MYRIP: variants seen among roughly 807,000 people sequenced by gnomAD.
MYRIP encodes myosin VIIA and Rab interacting protein, also known as rab effector MyRIP.
Under a neutral mutation model 98.0 loss-of-function variants are expected in MYRIP, and 49 were observed. The ratio of observed to expected loss-of-function variants is 0.50; its 90% CI spans 0.40 to 0.63. The LOEUF (loss-of-function observed/expected upper bound fraction) is 0.63, where lower values mean the gene tolerates loss of function less well. MYRIP is among the 30% of genes least tolerant of loss of function. The pLI, the probability that MYRIP is intolerant of heterozygous loss-of-function variation, is 0.00. For synonymous variants in MYRIP, 404 were observed against 409.5 expected, an observed-to-expected ratio of 0.99 and a Z score of 0.16; for missense variants, 1,004 against 1,058.2, an observed-to-expected ratio of 0.95 and a Z score of 0.71.
intron 1 of MYRIP, among the ~76,000 whole-genome samples, chr3:39,885,892 A>G (rs1028429643): frequency 6.6e-6 from 1 of 151,812 alleles, no homozygotes; most frequent in African/African-American, 2.4e-5. Flanking sequence ...CTAGTTATAC[A>G]TTCTTCTAAA....
intron 2 of MYRIP, among the ~76,000 whole-genome samples, chr3:39,916,305 A>G (rs1944158704): frequency 6.6e-6 from 1 of 152,040 alleles, no homozygotes; most frequent in Non-Finnish European, 1.5e-5. Context: ...CTAAAAGATA[A>G]GACAGCTCAA....
At chr3:40,017,174 C>T (rs1003396509) in intron 2 of MYRIP, among the ~76,000 whole-genome samples, 5 of 152,212 alleles carry the variant, frequency 3.3e-5, no homozygotes, top group African/African-American at 1.2e-4. Flanking sequence ...AAATGCAAGT[C>T]TCCTGCACTC....
intron 10 of MYRIP, among the ~76,000 whole-genome samples, chr3:40,207,240 C>G (rs980248135): frequency 4.6e-5 from 7 of 152,194 alleles, no homozygotes; most frequent in Non-Finnish European, 1.0e-4. Flanking sequence ...CTTCATGCAC[C>G]CTGGGTCCTA....
intron 2 of MYRIP, among the ~76,000 whole-genome samples, chr3:39,936,995 G>A (rs1944667973): frequency 6.6e-6 from 1 of 152,152 alleles, no homozygotes; most frequent in African/African-American, 2.4e-5. Flanking sequence ...GGTTCCATGA[G>A]GTAGGTCACT....
intron 1 of MYRIP, among the ~76,000 whole-genome samples, chr3:39,821,901 G>A (rs1270729122): frequency 6.6e-6 from 1 of 152,112 alleles, no homozygotes; most frequent in African/African-American, 2.4e-5. Flanking sequence ...GTTATTGGTT[G>A]CAGAGATTCA....
At chr3:39,856,737 T>C (rs11129852) in intron 1 of MYRIP, among the ~76,000 whole-genome samples, 74,298 of 152,020 alleles carry the variant, frequency 0.49, 19,606 homozygotes, top group African/African-American at 0.7. Flanking sequence ...GGTCCATCCA[T>C]CTGATGGCCC....
intron 2 of MYRIP, among the ~76,000 whole-genome samples, chr3:39,998,791 C>T (rs1946437450): frequency 6.6e-6 from 1 of 152,180 alleles, no homozygotes; most frequent in Non-Finnish European, 1.5e-5. Flanking sequence ...TACAAGGCTA[C>T]AGTAACCAAA....
In MYRIP at chr3:40,251,984, C is replaced by T; in HGVS notation, c.2532C>T (p.Thr844=). Reference sequence around the variant, plus strand: ...ACAGGACTAAGGAAAGGAAAGGCACCACCAAGGATTTGATGGTAAATGTCA... The same window carrying T: ...ACAGGACTAAGGAAAGGAAAGGCACTACCAAGGATTTGATGGTAAATGTCA... ...STNRTKERKG[T]TKDLMEPALE... The change falls in exon 16 of 17, where the codon ACC becomes ACT. Residue 844 remains threonine, a synonymous_variant. Transcript: ENST00000302541. 1 of 1,608,060 alleles carries T rather than the reference C, an allele frequency of 6.2e-7. No individual in the cohort carries two copies. Among genetic ancestry groups the T allele is most frequent in the Non-Finnish European group, 8.5e-7 (1 of 1,174,590 alleles).
chr3:40,113,014 G>C (rs189163825), intron 3 of MYRIP, among the ~76,000 whole-genome samples: 2 of 152,318 alleles, frequency 1.3e-5, no homozygotes, highest in East Asian at 1.9e-4. Context: ...ATGGATTCCA[G>C]GTTTTCCATC....
At chr3:40,074,835 C>T (rs993976624) in intron 3 of MYRIP, among the ~76,000 whole-genome samples, 28 of 152,214 alleles carry the variant, frequency 1.8e-4, no homozygotes, top group African/African-American at 6.3e-4. Flanking sequence ...AAAGAAGATA[C>T]GTAGATGTCA....
intron 3 of MYRIP, among the ~76,000 whole-genome samples, chr3:40,089,125 G>T (rs978136664): frequency 1.3e-5 from 2 of 152,058 alleles, no homozygotes; most frequent in Admixed American, 1.3e-4. Flanking sequence ...TGAGGGCCTG[G>T]GATCCCTCTG....
intron 1 of MYRIP, 55 bp downstream of exon 1, chr3:39,809,971 C>G (rs989642797): frequency 6.6e-6 from 1 of 152,426 alleles, no homozygotes; most frequent in African/African-American, 2.4e-5. Flanking sequence ...GCCACTCTCC[C>G]CTCAACGTTG....
In MYRIP at chr3:40,166,893, G is replaced by A. The variant is rs1559430498; in HGVS notation, c.598G>A (p.Glu200Lys). ...GGCTGTGGCCCTACGGGTGGCTGAA[G>A]AGGCCATTGAGGAAGCAATTTCCAA... Reference protein sequence around the residue: ...TLAVALRVAEEAIEEAISKAE... With the variant: ...TLAVALRVAEKAIEEAISKAE... Residue 200 changes from glutamate to lysine, a missense_variant, in exon 6 of 17, where the codon GAG (glutamate) becomes AAG (lysine). By Grantham distance (56) the Glu-to-Lys change is moderately conservative. Around this residue, in one of 3 missense-constraint regions of MYRIP, gnomAD observed 880 missense variants for 907.7 expected, o/e 0.97. Transcript: ENST00000302541. 18 of 1,614,150 alleles carry A rather than the reference G, an allele frequency of 1.1e-5. No homozygotes were observed. Among genetic ancestry groups the A allele is most frequent in the East Asian group, 2.2e-5 (1 of 44,876 alleles).
At chr3:40,256,879 T>C (rs1282920562) in intron 16 of MYRIP, among the ~76,000 whole-genome samples, 4 of 152,168 alleles carry the variant, frequency 2.6e-5, no homozygotes, top group Non-Finnish European at 5.9e-5. Flanking sequence ...CATGAAAGCC[T>C]GCTCCGTGGC....
intron 3 of MYRIP, among the ~76,000 whole-genome samples, chr3:40,137,740 G>C (rs1351863739): frequency 2.6e-5 from 4 of 152,076 alleles, no homozygotes; most frequent in Admixed American, 2.6e-4. Context: ...TGTACACTCA[G>C]TGTTTACATC....
At chr3:39,853,960 C>G (rs1458582942) in intron 1 of MYRIP, among the ~76,000 whole-genome samples, 1 of 152,100 alleles carries the variant, frequency 6.6e-6, no homozygotes, top group East Asian at 1.9e-4. Flanking sequence ...CAGTTTTACT[C>G]TTCTCCATGT....
intron 9 of MYRIP, among the ~76,000 whole-genome samples, chr3:40,187,288 G>T (rs925549460): frequency 6.6e-6 from 1 of 152,198 alleles, no homozygotes; most frequent in Non-Finnish European, 1.5e-5. Context: ...GGACAAGGAA[G>T]TAGGCCCAGA....
At chr3:40,152,543 T>C (rs1296726204) in intron 4 of MYRIP, among the ~76,000 whole-genome samples, 1 of 152,182 alleles carries the variant, frequency 6.6e-6, no homozygotes, top group East Asian at 1.9e-4. Flanking sequence ...GGCTTTGAAA[T>C]TTACAAGGAT....
At chr3:40,186,718 C>T (rs145541726) in intron 9 of MYRIP, among the ~76,000 whole-genome samples, 3 of 152,308 alleles carry the variant, frequency 2.0e-5, no homozygotes, top group African/African-American at 7.2e-5. Context: ...CTGGCATACA[C>T]TGAAGTCGTG....
Sources: gnomAD v4.1 joint callset for allele counts (sites outside exome capture counted in the v4.1 genomes callset) on GRCh38, gnomAD v4.1.1 for gene constraint, gnomAD v4.1.1 regional missense constraint, MANE v1.5 for transcripts, NCBI Gene and HGNC (gene_info 2026-07-23, HGNC 2026-07-21) for gene names.